Variants in CORO1C observed in about 807,000 individuals in gnomAD.
CORO1C encodes the protein coronin-1C.
Under a neutral mutation model 51.2 loss-of-function variants are expected in CORO1C, and 14 were observed. That is an observed-to-expected ratio of 0.27 (90% confidence interval 0.18 to 0.43). The LOEUF (loss-of-function observed/expected upper bound fraction) is 0.43. Among genes scored for constraint, CORO1C ranks in the 20% least tolerant of loss-of-function variants. The probability of loss-of-function intolerance (pLI) is 1.00; values close to 1 mark genes in which losing one functional copy is unlikely to be tolerated. For missense variants in CORO1C, 417 were observed against 607.8 expected, an observed-to-expected ratio of 0.69 and a Z score of 3.30; for synonymous variants, 181 against 210.5, an observed-to-expected ratio of 0.86 and a Z score of 1.21.
At chr12:108,705,721 C>T (rs1375086314) in intron 1 of CORO1C, among the ~76,000 whole-genome samples, 1 of 152,074 alleles carries the variant, frequency 6.6e-6, no homozygotes, top group Non-Finnish European at 1.5e-5. Context: ...AAATCCTCAA[C>T]AATACCAGCA....
chr12:108,696,110 C>CA (rs2034673180), intron 2 of CORO1C, among the ~76,000 whole-genome samples: 1 of 152,142 alleles, frequency 6.6e-6, no homozygotes, highest in Non-Finnish European at 1.5e-5. Context: ...AAAAAGCTAA[C>CA]AGAGACCTGG....
intron 1 of CORO1C, among the ~76,000 whole-genome samples, chr12:108,718,878 AC>A (rs1311748925): frequency 2.0e-5 from 3 of 152,320 alleles, no homozygotes; most frequent in African/African-American, 7.2e-5. Flanking sequence ...ACCATTCAAT[AC>A]CTTTAGAAGA....
At chr12:108,696,565 G>A (rs2034693446) in intron 2 of CORO1C, among the ~76,000 whole-genome samples, 1 of 152,172 alleles carries the variant, frequency 6.6e-6, no homozygotes, top group African/African-American at 2.4e-5. Flanking sequence ...TGCCAACGTG[G>A]TAGATTACAC....
rs2032346569 is a variant in CORO1C at position 108,646,064 on chromosome 12, G to A, written c.*1339C>T. 6.6e-6 allele frequency: 1 copy of A among 152,230 alleles called. No homozygotes were observed. The highest frequency in any genetic ancestry group is 1.5e-5 in the Non-Finnish European group (1 of 68,070). 9.4% of individuals were successfully genotyped at this position (152,230 alleles called of 1,614,324 possible). ...GTTAGTTGTGCGGAGGGACATGTTTGTATGCATTAAAGCTACAGCAGAGGT... is the reference window on the plus strand; with the variant it reads ...GTTAGTTGTGCGGAGGGACATGTTTATATGCATTAAAGCTACAGCAGAGGT... On this transcript the variant is annotated 3_prime_UTR_variant, in exon 11 of 11. Transcript: ENST00000261401.
chr12:108,695,851 T>TAAAAAAAAA (rs924887183), intron 2 of CORO1C, among the ~76,000 whole-genome samples: 14 of 62,452 alleles, frequency 2.2e-4, no homozygotes, highest in African/African-American at 7.2e-4. Flanking sequence ...TTGGGAGAAC[T>TAAAAAAAAA]AAAAAAAAAA....
intron 1 of CORO1C, among the ~76,000 whole-genome samples, chr12:108,705,637 T>C (rs952441233): frequency 3.3e-5 from 5 of 152,074 alleles, no homozygotes; most frequent in African/African-American, 1.2e-4. Flanking sequence ...GCCAGTATTA[T>C]CCTGATACCA....
intron 10 of CORO1C, among the ~76,000 whole-genome samples, chr12:108,648,243 T>C (rs2032465887): frequency 6.6e-6 from 1 of 152,084 alleles, no homozygotes. Flanking sequence ...TCCCATGATA[T>C]TTTATTTCTA....
In CORO1C at chr12:108,652,312, G is replaced by A. The variant is rs1565899950; in HGVS notation, c.961C>T (p.Pro321Ser). Residue 321 changes from proline (P) to serine (S), a missense_variant, in exon 8 of 11, where the codon CCC (proline) becomes TCC (serine). Pro to Ser is a moderately conservative substitution (Grantham distance 74). Transcript: ENST00000261401. Reference sequence around the variant, plus strand: ...TTGTTAACATCAAGTCCCCTCTTGGGCATGTAACCCATCCCTCTCTGAGGC... The same window carrying A: ...TTGTTAACATCAAGTCCCCTCTTGGACATGTAACCCATCCCTCTCTGAGGC... The part of the protein sequence containing the change: ...KEPQRGMGYM[P>S]KRGLDVNKCE... 6.2e-7 allele frequency: 1 copy of A among 1,614,008 alleles called. No individual in the cohort carries two copies. Among genetic ancestry groups the A allele is most frequent in the Non-Finnish European group, 8.5e-7 (1 of 1,179,894 alleles).
intron 1 of CORO1C, among the ~76,000 whole-genome samples, chr12:108,720,697 G>C (rs2035455864): frequency 6.6e-6 from 1 of 151,774 alleles, no homozygotes. Context: ...CTAATTTTTT[G>C]TATTTTTAGT....
intron 3 of CORO1C, among the ~76,000 whole-genome samples, chr12:108,663,224 A>G (rs1251836024): frequency 6.6e-6 from 1 of 152,274 alleles, no homozygotes; most frequent in East Asian, 1.9e-4. Flanking sequence ...GTGAAAATGT[A>G]AAATGGTATA....
chr12:108,717,192 T>C (rs1309333908), intron 1 of CORO1C, among the ~76,000 whole-genome samples: 1 of 152,130 alleles, frequency 6.6e-6, no homozygotes, highest in African/African-American at 2.4e-5. Flanking sequence ...GAGTCCCAGC[T>C]GGGAGGAACA....
At chr12:108,652,566 G>T in intron 7 of CORO1C, 149 bp from the exon 8 acceptor site, 1 of 634,570 alleles carries the variant, frequency 1.6e-6, no homozygotes, top group Non-Finnish European at 2.8e-6. Flanking sequence ...CTTGCCTAAA[G>T]CATATAAAAG....
chr12:108,669,007 T>C (rs759051290), intron 3 of CORO1C, among the ~76,000 whole-genome samples: 59 of 152,278 alleles, frequency 3.9e-4, no homozygotes, highest in Non-Finnish European at 7.9e-4. Context: ...TTTCTGGGAG[T>C]ACAATTTACA....
At chr12:108,647,547 G>A in intron 10 of CORO1C, 25 bp from the exon 11 acceptor site, 2 of 1,559,578 alleles carry the variant, frequency 1.3e-6, no homozygotes, top group Non-Finnish European at 1.8e-6. Context: ...AAAGGAGGCA[G>A]TGATTAAAAT....
intron 2 of CORO1C, among the ~76,000 whole-genome samples, chr12:108,688,648 T>G (rs1177739519): frequency 6.6e-6 from 1 of 152,198 alleles, no homozygotes; most frequent in Non-Finnish European, 1.5e-5. Context: ...GGCTCACACC[T>G]GTAATCCCAG....
intron 6 of CORO1C, among the ~76,000 whole-genome samples, chr12:108,656,858 G>T (rs546568498): frequency 1.3e-5 from 2 of 152,112 alleles, no homozygotes; most frequent in African/African-American, 2.4e-5. Context: ...CAGCATGCTC[G>T]TTAAGAGTCA....
intron 3 of CORO1C, among the ~76,000 whole-genome samples, chr12:108,671,494 G>GA (rs1048576423): frequency 5.0e-4 from 62 of 124,602 alleles, no homozygotes; most frequent in African/African-American, 6.8e-4. Context: ...TGTAATGCAA[G>GA]AAAAAAAAAA....
chr12:108,684,360 T>C (rs1322176670), intron 2 of CORO1C, among the ~76,000 whole-genome samples: 1 of 152,154 alleles, frequency 6.6e-6, no homozygotes, highest in Non-Finnish European at 1.5e-5. Flanking sequence ...TTACAATTCC[T>C]TTCAAGAGCA....
intron 6 of CORO1C, among the ~76,000 whole-genome samples, chr12:108,656,782 G>A (rs1409031461): frequency 6.6e-6 from 1 of 152,212 alleles, no homozygotes; most frequent in Non-Finnish European, 1.5e-5. Context: ...CATGTGCTGT[G>A]TCCACTCAGG....
Sources: allele counts gnomAD v4.1 joint callset (sites outside exome capture counted in the v4.1 genomes callset), GRCh38; gene constraint gnomAD v4.1.1; transcripts MANE v1.5; gene names NCBI Gene and HGNC (gene_info 2026-07-23, HGNC 2026-07-21).